Variants in COMMD10 observed in about 807,000 individuals in gnomAD.
The protein encoded by COMMD10 is COMM domain containing 10.
Under a neutral mutation model 28.9 loss-of-function variants are expected in COMMD10, and 33 were observed. The observed-to-expected ratio is 1.14, with a 90% CI of 0.87 to 1.53. COMMD10 has a LOEUF of 1.53. COMMD10 is among the 40% of genes most tolerant of loss of function. The pLI is 0.00. For synonymous variants in COMMD10, 110 were observed against 81.7 expected (o/e 1.35, Z -1.87); for missense variants, 310 against 233.4 (o/e 1.33, Z -2.14).
At chr5:116,207,926 T>G (rs6867113) in intron 5 of COMMD10, among the ~76,000 whole-genome samples, 56,858 of 151,996 alleles carry the variant, frequency 0.37, 13,147 homozygotes, top group African/African-American at 0.66. Flanking sequence ...GACATTGTGT[T>G]AATCTCTGGG....
intron 5 of COMMD10, among the ~76,000 whole-genome samples, chr5:116,190,970 A>C (rs1282272291): frequency 1.3e-5 from 2 of 152,198 alleles, no homozygotes; most frequent in South Asian, 4.1e-4. Context: ...TTTATTTATA[A>C]TAAGCACTTT....
intron 5 of COMMD10, among the ~76,000 whole-genome samples, chr5:116,138,384 A>G (rs921690051): frequency 2.0e-5 from 3 of 151,846 alleles, no homozygotes; most frequent in Admixed American, 1.3e-4. Context: ...TTCTAGGCCC[A>G]TTGTAGTCAG....
At chr5:116,230,158 C>T (rs371692386) in intron 5 of COMMD10, among the ~76,000 whole-genome samples, 1 of 151,936 alleles carries the variant, frequency 6.6e-6, no homozygotes, top group Non-Finnish European at 1.5e-5. Context: ...CAAAGAGCAT[C>T]GTAATCTCCT....
intron 5 of COMMD10, among the ~76,000 whole-genome samples, chr5:116,150,398 T>G (rs528803194): frequency 2.0e-5 from 3 of 152,212 alleles, no homozygotes; most frequent in Admixed American, 2.0e-4. Context: ...GTGAAGAAAG[T>G]CACTGGTAGC....
At chr5:116,134,300 A>G (rs1445264082) in intron 5 of COMMD10, 122 bp downstream of exon 5, 2 of 575,324 alleles carry the variant, frequency 3.5e-6, no homozygotes, top group African/African-American at 3.8e-5. Context: ...ACAGTTATTA[A>G]TAAGTGGATC....
intron 4 of COMMD10, among the ~76,000 whole-genome samples, chr5:116,119,917 C>A (rs1468323765): frequency 6.6e-6 from 1 of 152,026 alleles, no homozygotes; most frequent in Non-Finnish European, 1.5e-5. Context: ...ACTGTGCCTG[C>A]CTTGTATCTT....
At chr5:116,202,398 C>T (rs1748693780) in intron 5 of COMMD10, among the ~76,000 whole-genome samples, 2 of 151,974 alleles carry the variant, frequency 1.3e-5, no homozygotes, top group Non-Finnish European at 2.9e-5. Context: ...TGGGTATATA[C>T]CCAGTAATGG....
At chr5:116,209,335 GATT>G (rs1253199942) in intron 5 of COMMD10, among the ~76,000 whole-genome samples, 3 of 152,110 alleles carry the variant, frequency 2.0e-5, no homozygotes, top group African/African-American at 7.2e-5. Context: ...GAACAGAAAA[GATT>G]ATCTTAACTG....
intron 4 of COMMD10, among the ~76,000 whole-genome samples, chr5:116,098,876 G>A (rs1192745571): frequency 6.6e-6 from 1 of 152,148 alleles, no homozygotes; most frequent in Non-Finnish European, 1.5e-5. Context: ...GCAATGTGAT[G>A]ATTTGATAGC....
intron 5 of COMMD10, among the ~76,000 whole-genome samples, chr5:116,258,438 T>C (rs943749921): frequency 2.7e-5 from 4 of 149,504 alleles, no homozygotes; most frequent in Non-Finnish European, 5.9e-5. Flanking sequence ...CATCTTTTTT[T>C]CTCTGGATTG....
intron 5 of COMMD10, among the ~76,000 whole-genome samples, chr5:116,254,510 T>C (rs1232889541): frequency 4.6e-5 from 7 of 151,158 alleles, no homozygotes; most frequent in African/African-American, 1.7e-4. Context: ...TTTGTTCTTG[T>C]TGGTTTCAAA....
chr5:116,271,372 TATC>T (rs1166890073), intron 5 of COMMD10, among the ~76,000 whole-genome samples: 1 of 149,414 alleles, frequency 6.7e-6, no homozygotes, highest in African/African-American at 2.5e-5. Flanking sequence ...ATCTTTATAT[TATC>T]ATTTCCATAA....
At chr5:116,250,757 A>C (rs1424406613) in intron 5 of COMMD10, among the ~76,000 whole-genome samples, 1 of 151,968 alleles carries the variant, frequency 6.6e-6, no homozygotes, top group Non-Finnish European at 1.5e-5. Context: ...TCTTCTGAGA[A>C]TCTGCAAGGA....
At chr5:116,222,349 T>C (rs1389893019) in intron 5 of COMMD10, among the ~76,000 whole-genome samples, 1 of 152,184 alleles carries the variant, frequency 6.6e-6, no homozygotes, top group Admixed American at 6.5e-5. Flanking sequence ...GAAATCTCTT[T>C]TGGTAAAAAC....
At chr5:116,193,376 A>G (rs554890899) in intron 5 of COMMD10, among the ~76,000 whole-genome samples, 1 of 152,362 alleles carries the variant, frequency 6.6e-6, no homozygotes, top group Admixed American at 6.5e-5. Flanking sequence ...ACAGAGTGGC[A>G]TAATGGATAA....
At chr5:116,245,564 T>G (rs1199598692) in intron 5 of COMMD10, among the ~76,000 whole-genome samples, 2 of 152,124 alleles carry the variant, frequency 1.3e-5, no homozygotes, top group Non-Finnish European at 2.9e-5. Flanking sequence ...TCACTATGCT[T>G]GGTGGACATT....
At chr5:116,236,584 C>G (rs989212366) in intron 5 of COMMD10, among the ~76,000 whole-genome samples, 20 of 150,776 alleles carry the variant, frequency 1.3e-4, no homozygotes, top group African/African-American at 4.9e-4. Context: ...ATTACTAACT[C>G]AAGCCAATGT....
chr5:116,133,696 G>C (rs918347750), intron 4 of COMMD10, among the ~76,000 whole-genome samples: 2 of 152,052 alleles, frequency 1.3e-5, no homozygotes, highest in African/African-American at 4.8e-5. Flanking sequence ...TTTACTAGTT[G>C]AAATTTGTAA....
chr5:116,197,717 G>T (rs990553345), intron 5 of COMMD10, among the ~76,000 whole-genome samples: 1 of 152,182 alleles, frequency 6.6e-6, no homozygotes, highest in Non-Finnish European at 1.5e-5. Flanking sequence ...GAAAATTCAT[G>T]AAAGGATTCT....
Sources: gnomAD v4.1 joint callset for allele counts (sites outside exome capture counted in the v4.1 genomes callset) on GRCh38, gnomAD v4.1.1 for gene constraint, MANE v1.5 for transcripts, NCBI Gene and HGNC (gene_info 2026-07-23, HGNC 2026-07-21) for gene names.